MKRN2: variants seen among roughly 807,000 people sequenced by gnomAD.
MKRN2 encodes makorin ring finger protein 2, also known as E3 ubiquitin-protein ligase makorin-2.
Under a neutral mutation model 45.4 loss-of-function variants are expected in MKRN2, and 32 were observed. That is an observed-to-expected ratio of 0.70 (90% CI 0.53 to 0.95). The LOEUF is 0.95. Ranked by LOEUF, MKRN2 falls within the 40% of genes least tolerant of loss-of-function variation. The pLI, the probability that MKRN2 is intolerant of heterozygous loss-of-function variation, is 0.00. For synonymous variants in MKRN2, 206 were observed against 192.4 expected (o/e 1.07, Z -0.59); for missense variants, 526 against 536.7 (o/e 0.98, Z 0.20).
chr3:12,568,310 C>T (rs1171627462), intron 1 of MKRN2, among the ~76,000 whole-genome samples: 1 of 152,144 alleles, frequency 6.6e-6, no homozygotes, highest in Non-Finnish European at 1.5e-5. Context: ...AAAACAGTGG[C>T]TTTATTGGGA....
chr3:12,557,299 T>A, intron 1 of MKRN2, 123 bp downstream of exon 1: 1 of 1,315,646 alleles, frequency 7.6e-7, no homozygotes, highest in Non-Finnish European at 1.0e-6. Flanking sequence ...ACTCGGCTGT[T>A]CGCGGCGGGG....
chr3:12,578,312 CTT>C (rs71063833), intron 6 of MKRN2, among the ~76,000 whole-genome samples: 10,193 of 71,724 alleles, frequency 0.14, 251 homozygotes, highest in Admixed American at 0.19. Context: ...AGAGCTACTT[CTT>C]TTTTTTTTTT....
chr3:12,560,478 T>TAAAAAAAAAAAA (rs10651248), intron 1 of MKRN2, among the ~76,000 whole-genome samples: 1 of 124,960 alleles, frequency 8.0e-6, no homozygotes, highest in African/African-American at 2.8e-5. Context: ...TAGGAAAATG[T>TAAAAAAAAAAAA]AAAAAAAAAA....
chr3:12,582,598 G>A lies in MKRN2; in HGVS notation c.*345G>A, dbSNP rs1249653343. 4.6e-6 allele frequency: 1 copy of A among 215,370 alleles called. No individual in the cohort carries two copies. The highest frequency in any genetic ancestry group is 5.1e-5 in the Admixed American group (1 of 19,562). The allele number at this position is 215,370 out of a possible 1,614,324, so 13.3% of individuals were successfully genotyped here. A position where few individuals can be genotyped will look rare whatever the true frequency, so the allele number is the denominator to read the frequency against. On this transcript the variant is annotated 3_prime_UTR_variant, in exon 8 of 8. Coordinates refer to ENST00000170447, the MANE Select transcript of MKRN2 (RefSeq NM_014160.5). ...TTTGATCTTTTCTTCCCCAGAAATA[G>A]TAAACTTGCAGCTGCCCCTAATGCA...
At position 12,557,190 on chromosome 3, in the gene MKRN2, A is replaced by G; in HGVS notation, c.26+14A>G. The G allele has an allele frequency of 6.5e-7, 1 of 1,534,856 alleles. No homozygotes were observed. Among genetic ancestry groups the G allele is most frequent in the Non-Finnish European group, 8.8e-7 (1 of 1,142,650 alleles). On this transcript the variant is annotated intron_variant, in intron 1 of 7. Coordinates refer to ENST00000170447, the MANE Select transcript of MKRN2 (RefSeq NM_014160.5). The stretch of plus-strand genomic sequence containing the variant: ...GATCACTTGCAGGTCAGTGCGCTGG[A>G]GCCAGGAGCTTCGGGCCGCTCCCCC...
chr3:12,557,342 G>C (rs547231657), intron 1 of MKRN2, among the ~76,000 whole-genome samples, 166 bp downstream of exon 1: 1 of 152,374 alleles, frequency 6.6e-6, no homozygotes, highest in African/African-American at 2.4e-5. Context: ...TGCCGCCACA[G>C]CCGGGGATCC....
At chr3:12,582,032 G>T in intron 7 of MKRN2, 80 bp downstream of exon 7, 1 of 1,609,376 alleles carries the variant, frequency 6.2e-7, no homozygotes, top group South Asian at 1.1e-5. Flanking sequence ...CAGAGAAATG[G>T]GGTAGGCAAA....
Position 12,568,996 on chromosome 3 carries a change from C to T in MKRN2, c.148C>T (p.Arg50Trp), listed in dbSNP as rs750943574. 35 of 1,613,614 alleles carry T rather than the reference C, an allele frequency of 2.2e-5. No individual in the cohort carries two copies. Among genetic ancestry groups the T allele is most frequent in the Non-Finnish European group, 2.7e-5 (32 of 1,179,904 alleles). Residue 50 changes from arginine to tryptophan, a missense_variant, in exon 2 of 8, where the codon CGG becomes TGG. Arg to Trp is a moderately radical substitution (Grantham distance 101). Coordinates refer to ENST00000170447, the MANE Select transcript of MKRN2 (RefSeq NM_014160.5). ...YQKGYCAYGT[R>W]CRYDHTRPSA... Reference sequence around the variant, plus strand: ...GAAGGGCTACTGTGCCTATGGAACTCGGTGCAGGCAAGGACTCTGCAACAG... The same window carrying T: ...GAAGGGCTACTGTGCCTATGGAACTTGGTGCAGGCAAGGACTCTGCAACAG...
intron 1 of MKRN2, 127 bp downstream of exon 1, chr3:12,557,303 G>T (rs1357502851): frequency 1.5e-6 from 2 of 1,294,054 alleles, no homozygotes; most frequent in African/African-American, 1.5e-5. Context: ...GGCTGTTCGC[G>T]GCGGGGCTTT....
chr3:12,569,770 T>C (rs1962515), intron 2 of MKRN2, among the ~76,000 whole-genome samples: 98,490 of 151,954 alleles, frequency 0.65, 34,202 homozygotes, highest in African/African-American at 0.88. Context: ...CAGGAGATTT[T>C]AGCTCAACAT....
chr3:12,564,301 T>C (rs1486533431), intron 1 of MKRN2, among the ~76,000 whole-genome samples: 2 of 152,192 alleles, frequency 1.3e-5, no homozygotes, highest in Non-Finnish European at 2.9e-5. Context: ...ATGGTAAATA[T>C]ATTTTTAATT....
chr3:12,575,318 A>G (rs1448901898), intron 5 of MKRN2, among the ~76,000 whole-genome samples: 1 of 152,100 alleles, frequency 6.6e-6, no homozygotes, highest in Non-Finnish European at 1.5e-5. Flanking sequence ...ATCCAGTAGT[A>G]CCTGCCTGTA....
intron 4 of MKRN2, among the ~76,000 whole-genome samples, chr3:12,574,444 A>G (rs1054880794): frequency 4.6e-5 from 7 of 152,348 alleles, no homozygotes; most frequent in East Asian, 1.9e-4. Context: ...AGTCGGGGGA[A>G]ACAGTGCCCA....
At chr3:12,573,573 G>T (rs2058112932) in intron 4 of MKRN2, among the ~76,000 whole-genome samples, 1 of 152,018 alleles carries the variant, frequency 6.6e-6, no homozygotes, top group African/African-American at 2.4e-5. Flanking sequence ...AATGCCAGGT[G>T]TGGTGGCTTG....
intron 3 of MKRN2, among the ~76,000 whole-genome samples, chr3:12,571,737 T>C (rs763136556): frequency 6.6e-6 from 1 of 152,240 alleles, no homozygotes; most frequent in Non-Finnish European, 1.5e-5. Context: ...TTTGTTTTAG[T>C]GTTAACTGGT....
chr3:12,563,956 T>C (rs1016302770), intron 1 of MKRN2, among the ~76,000 whole-genome samples: 4 of 151,666 alleles, frequency 2.6e-5, no homozygotes, highest in Non-Finnish European at 5.9e-5. Flanking sequence ...TGAAGTCTTC[T>C]ATTTTTTTTG....
intron 1 of MKRN2, among the ~76,000 whole-genome samples, chr3:12,563,829 A>G (rs1490409666): frequency 2.0e-5 from 3 of 147,962 alleles, no homozygotes; most frequent in African/African-American, 7.5e-5. Flanking sequence ...TGGATAGACC[A>G]CATCTTGTTT....
chr3:12,580,920 CG>C (rs1374307721), intron 6 of MKRN2, among the ~76,000 whole-genome samples: 1 of 152,214 alleles, frequency 6.6e-6, no homozygotes, highest in Non-Finnish European at 1.5e-5. Context: ...CTGACAGCAG[CG>C]TGCCCTTTCT....
rs1356616886 is a variant in MKRN2 at position 12,568,385 on chromosome 3, A to T, written c.27-490A>T. 2.0e-5 allele frequency among the ~76,000 whole-genome samples: 3 copies of T among 152,304 alleles called. No individual in the cohort carries two copies. In the East Asian group the frequency reaches 5.8e-4, roughly 29 times the overall value. On this transcript the variant is annotated intron_variant, in intron 1 of 7. Transcript: ENST00000170447. ...TTTTGATACCACACTATGGTATTTG[A>T]TCCTCACCACGACCAGTTAAGTGGG... is the stretch of plus-strand genomic sequence containing the variant.
Sources: gnomAD v4.1 joint callset for allele counts (sites outside exome capture counted in the v4.1 genomes callset) on GRCh38, gnomAD v4.1.1 for gene constraint, MANE v1.5 for transcripts, NCBI Gene and HGNC (gene_info 2026-07-23, HGNC 2026-07-21) for gene names.